GPR137: variants seen among roughly 807,000 people sequenced by gnomAD.
GPR137 encodes the protein G protein-coupled receptor 137, also known as integral membrane protein GPR137.
A neutral mutation model predicts 38.9 loss-of-function variants in GPR137; 20 were observed. That is an observed-to-expected ratio of 0.51 (90% CI 0.36 to 0.75). The LOEUF is 0.75. Among genes scored for constraint, GPR137 ranks in the 30% least tolerant of loss-of-function variants. The pLI is 0.00. For missense variants in GPR137, 456 were observed against 526.4 expected, an observed-to-expected ratio of 0.87 and a Z score of 1.31; for synonymous variants, 226 against 235.8, an observed-to-expected ratio of 0.96 and a Z score of 0.38.
At position 64,287,737 on chromosome 11, in the gene GPR137, G is replaced by A. The variant is rs1043919672; in HGVS notation, c.424G>A (p.Ala142Thr). The change falls in exon 3 of 7, where the codon GCC (alanine) becomes ACC (threonine). Residue 142 changes from alanine (A) to threonine (T), a missense_variant. By Grantham distance (58) the Ala-to-Thr change is moderately conservative. Transcript: ENST00000438980. Reference sequence around the variant, plus strand: ...TGGCTGCAGGCTCGCTGTCCGAGGGGCCTTTGTGGGGGCCTCGCTGCTCTT... The same window carrying A: ...TGGCTGCAGGCTCGCTGTCCGAGGGACCTTTGTGGGGGCCTCGCTGCTCTT... ...MSRGLLAVRG[A>T]FVGASLLFLL... The A allele has an allele frequency of 6.2e-7, 1 of 1,604,980 alleles. No individual in the cohort carries two copies. Among genetic ancestry groups the A allele is most frequent in the African/African-American group, 1.3e-5 (1 of 74,904 alleles).
upstream of GPR137, chr11:64,271,737 C>A (rs1440158188): frequency 6.9e-7 from 1 of 1,447,122 alleles, no homozygotes; most frequent in Non-Finnish European, 9.1e-7. Flanking sequence ...CTCCCCCATC[C>A]CTTCGTCGTC....
At chr11:64,280,188 C>T (rs376564586), upstream of GPR137, among the ~76,000 whole-genome samples, 2 of 150,226 alleles carry the variant, frequency 1.3e-5, no homozygotes, top group African/African-American at 2.4e-5. Context: ...GGCATGGTGG[C>T]GGGAGGCTGT....
chr11:64,284,567 T>G, upstream of GPR137: 1 of 1,493,254 alleles, frequency 6.7e-7, no homozygotes, highest in Non-Finnish European at 8.9e-7. Flanking sequence ...GACCTCAGTC[T>G]CCCCTCAGAA....
chr11:64,288,375 C>A lies in GPR137; in HGVS notation c.819C>A (p.Tyr273Ter). Reference sequence around the variant, plus strand: ...TGAATGACCTGGGGAACAAAGGCTACCTGGTATTTGGCCTCATCCTCTTCG... The same window carrying A: ...TGAATGACCTGGGGAACAAAGGCTAACTGGTATTTGGCCTCATCCTCTTCG... The part of the protein sequence containing the change: ...DLVNDLGNKG[Y>*]LVFGLILFVW... The change falls in exon 5 of 7, where the codon TAC (tyrosine) becomes TAA (stop). Residue 273 changes from tyrosine to a stop codon, truncating the protein, a stop_gained. Coordinates refer to ENST00000438980, the MANE Select transcript of GPR137 (RefSeq NM_001170880.2). LOFTEE classifies it high-confidence loss of function. This position sits in a 1 kb window ranked among gnomAD's most constrained non-coding sequence, Gnocchi z 5.5. 1 of 1,613,920 alleles carries A rather than the reference C, an allele frequency of 6.2e-7. No individual in the cohort carries two copies. The highest frequency in any genetic ancestry group is 8.5e-7 in the Non-Finnish European group (1 of 1,180,012).
In GPR137 at chr11:64,286,436, T is replaced by C; in HGVS notation, c.-89T>C. 2.0e-6 allele frequency: 3 copies of C among 1,528,802 alleles called. No homozygotes were observed. Among genetic ancestry groups the C allele is most frequent in the East Asian group, 2.3e-5 (1 of 43,772 alleles). The allele number at this position is 1,528,802 out of a possible 1,614,324, so 94.7% of individuals were successfully genotyped here. A position where few individuals can be genotyped will look rare whatever the true frequency, so the allele number is the denominator to read the frequency against. ...GCGCCCCATCTCCCTCTCTGCACCCTGCAATTCCCACCCCTCCGTATTTAT... is the reference window on the plus strand; with the variant it reads ...GCGCCCCATCTCCCTCTCTGCACCCCGCAATTCCCACCCCTCCGTATTTAT... On this transcript the variant is annotated 5_prime_UTR_variant, in exon 1 of 7. Transcript: ENST00000438980.
chr11:64,284,544 G>A, upstream of GPR137: 1 of 1,506,278 alleles, frequency 6.6e-7, no homozygotes, highest in Non-Finnish European at 8.8e-7. Flanking sequence ...GGGAGCTGAG[G>A]CTGTCGGCTC....
upstream of GPR137, chr11:64,284,867 A>C: frequency 2.0e-6 from 3 of 1,485,402 alleles, no homozygotes; most frequent in African/African-American, 2.8e-5. Context: ...CCCGGGGCTC[A>C]CATCCTCGCT....
upstream of GPR137, among the ~76,000 whole-genome samples, chr11:64,281,157 C>CG (rs1256100547): frequency 1.3e-5 from 2 of 152,058 alleles, no homozygotes; most frequent in Admixed American, 6.6e-5. Flanking sequence ...TTAGTGGAGA[C>CG]GGGGTTCACC....
upstream of GPR137, chr11:64,271,672 C>T (rs3729933): frequency 2.0e-6 from 3 of 1,506,372 alleles, no homozygotes; most frequent in Non-Finnish European, 2.7e-6. Context: ...TAGCGCTGTG[C>T]TGCCCAGAGG....
In GPR137 at chr11:64,288,793, G is replaced by A. The variant is rs1476188484; in HGVS notation, c.1031+72G>A. ...CCCGCTGGCTCCATCAAGCTATGGG[G>A]GACCGAGATAGCCGGGTCTTGCCTT... is the stretch of plus-strand genomic sequence containing the variant. On this transcript the variant is annotated intron_variant, in intron 6 of 6. Transcript: ENST00000438980. The surrounding 1 kb of genome is among the most constrained non-coding windows in gnomAD (Gnocchi z 5.5). 35 of 1,460,378 alleles carry A rather than the reference G, an allele frequency of 2.4e-5. 1 individual carries two copies. In the East Asian group the frequency reaches 8.2e-4, roughly 34 times the overall value. The allele number at this position is 1,460,378 out of a possible 1,614,324, so 90.5% of individuals were successfully genotyped here. A position where few individuals can be genotyped will look rare whatever the true frequency, so the allele number is the denominator to read the frequency against.
Position 64,289,130 on chromosome 11 carries a change from G to A in GPR137, c.1125G>A (p.Leu375=). ...GCAGCCAGACGAAGACCACTCCTCT[G>A]CTCTTCTCCCAGGTGCCAGGACCAG... ...YGGSQTKTTP[L]LFSQVPGPGG... is the part of the protein sequence containing the mutation. The change falls in exon 7 of 7, where the codon CTG becomes CTA. Residue 375 remains leucine, a synonymous_variant. Coordinates refer to ENST00000438980, the MANE Select transcript of GPR137 (RefSeq NM_001170880.2). The A allele has an allele frequency of 1.2e-6, 2 of 1,613,600 alleles. No individual in the cohort carries two copies. Among genetic ancestry groups the A allele is most frequent in the South Asian group, 1.1e-5 (1 of 91,088 alleles).
In GPR137 at chr11:64,287,737, G is replaced by T; in HGVS notation, c.424G>T (p.Ala142Ser). The T allele has an allele frequency of 6.2e-7, 1 of 1,605,098 alleles. No homozygotes were observed. ...TGGCTGCAGGCTCGCTGTCCGAGGG[G>T]CCTTTGTGGGGGCCTCGCTGCTCTT... ...MSRGLLAVRGAFVGASLLFLL... is the reference protein window; with the variant it reads ...MSRGLLAVRGSFVGASLLFLL... The change falls in exon 3 of 7, where the codon GCC becomes TCC. Residue 142 changes from alanine to serine, a missense_variant. Coordinates refer to ENST00000438980, the MANE Select transcript of GPR137 (RefSeq NM_001170880.2).
At position 64,286,394 on chromosome 11, in the gene GPR137, A is replaced by T. The variant is rs2034059604; in HGVS notation, c.-131A>T. ...TGAGGAGGAGGGGCCTGTCAGCCAC[A>T]ACTTCTTTCCTCCTGAGCGCCCCAT... On this transcript the variant is annotated 5_prime_UTR_variant, in exon 1 of 7. Coordinates refer to ENST00000438980, the MANE Select transcript of GPR137 (RefSeq NM_001170880.2). The T allele has an allele frequency of 1.2e-5, 17 of 1,439,228 alleles. No homozygotes were observed. In the South Asian group the frequency reaches 2.6e-4, roughly 22 times the overall value. The allele number at this position is 1,439,228 out of a possible 1,614,324, so 89.2% of individuals were successfully genotyped here. A position where few individuals can be genotyped will look rare whatever the true frequency, so the allele number is the denominator to read the frequency against.
intron 2 of GPR137, among the ~76,000 whole-genome samples, chr11:64,277,430 T>C (rs778568512): frequency 6.6e-6 from 1 of 152,162 alleles, no homozygotes; most frequent in Non-Finnish European, 1.5e-5. Flanking sequence ...AGTTGGCAAA[T>C]GTTTCCTTTT....
chr11:64,284,690 C>A (rs1235959270), upstream of GPR137: 6 of 1,535,724 alleles, frequency 3.9e-6, no homozygotes, highest in African/African-American at 8.2e-5. Flanking sequence ...GCACCCCGGG[C>A]TCCGGGCCCT....
chr11:64,288,642 C>T lies in GPR137; in HGVS notation c.952C>T (p.Arg318Trp), dbSNP rs1281700916. Residue 318 changes from arginine to tryptophan, a missense_variant, in exon 6 of 7, where the codon CGG becomes TGG. Coordinates refer to ENST00000438980, the MANE Select transcript of GPR137 (RefSeq NM_001170880.2). The surrounding 1 kb of genome is among the most constrained non-coding windows in gnomAD (Gnocchi z 5.5). ...CCTCAATGGGCAGGTCTTTGCCTCT[C>T]GGTCCTACTTCTTTGACCGGGCTGG... ...HILNGQVFAS[R>W]SYFFDRAGHC... 3.7e-6 allele frequency: 6 copies of T among 1,610,624 alleles called. No individual in the cohort carries two copies. Among genetic ancestry groups the T allele is most frequent in the South Asian group, 1.1e-5 (1 of 90,560 alleles).
Position 64,286,284 on chromosome 11 carries a change from G to A in GPR137, c.-241G>A. 7.2e-7 allele frequency: 1 copy of A among 1,391,080 alleles called. No homozygotes were observed. The highest frequency in any genetic ancestry group is 9.3e-7 in the Non-Finnish European group (1 of 1,077,300). 86.2% of individuals were successfully genotyped at this position (1,391,080 alleles called of 1,614,324 possible). A position where few individuals can be genotyped will look rare whatever the true frequency, so the allele number is the denominator to read the frequency against. On this transcript the variant is annotated 5_prime_UTR_variant, in exon 1 of 7. Transcript: ENST00000438980. ...CAACCCCTATCCGGTCTGTCCTGGAGAAAAGAGACTGCCCTTCCATGCCCC... is the reference window on the plus strand; with the variant it reads ...CAACCCCTATCCGGTCTGTCCTGGAAAAAAGAGACTGCCCTTCCATGCCCC...
In GPR137 at chr11:64,288,927, C is replaced by A. The variant is rs2135209698; in HGVS notation, c.1032-110C>A. On this transcript the variant is annotated intron_variant, in intron 6 of 6. Transcript: ENST00000438980. This position sits in a 1 kb window ranked among gnomAD's most constrained non-coding sequence, Gnocchi z 5.5. Reference sequence around the variant, plus strand: ...CTAGAGATGTACTTTGTCCTGGGCCCCGAAGGTCTAGGTCACAGGGGTTCT... The same window carrying A: ...CTAGAGATGTACTTTGTCCTGGGCCACGAAGGTCTAGGTCACAGGGGTTCT... 6.9e-7 allele frequency: 1 copy of A among 1,443,224 alleles called. No individual in the cohort carries two copies. Among genetic ancestry groups the A allele is most frequent in the South Asian group, 1.5e-5 (1 of 67,898 alleles). 89.4% of individuals were successfully genotyped at this position (1,443,224 alleles called of 1,614,324 possible). A position where few individuals can be genotyped will look rare whatever the true frequency, so the allele number is the denominator to read the frequency against.
chr11:64,286,145 G>T lies in GPR137; in HGVS notation c.-380G>T, dbSNP rs189619923. The T allele has an allele frequency of 7.9e-4, 816 of 1,027,532 alleles. 8 individuals are homozygous for T. In the East Asian group the frequency reaches 0.016, roughly 20 times the overall value. 63.7% of individuals were successfully genotyped at this position (1,027,532 alleles called of 1,614,324 possible). A position where few individuals can be genotyped will look rare whatever the true frequency, so the allele number is the denominator to read the frequency against. The stretch of plus-strand genomic sequence containing the variant: ...GCCCTGACCCGACGGGTATCAGCCG[G>T]CTCTCCCCCTCCACCCAGGACGACA... On this transcript the variant is annotated 5_prime_UTR_variant, in exon 1 of 7. Transcript: ENST00000438980.
Sources: gnomAD v4.1 joint callset for allele counts (sites outside exome capture counted in the v4.1 genomes callset) on GRCh38, gnomAD v4.1.1 for gene constraint, Gnocchi (gnomAD v3.1) non-coding constraint, MANE v1.5 for transcripts, NCBI Gene and HGNC (gene_info 2026-07-23, HGNC 2026-07-21) for gene names.